Variants in ROBO2 observed in about 807,000 individuals in gnomAD.
ROBO2 encodes the protein roundabout homolog 2.
A neutral mutation model predicts 160.8 loss-of-function variants in ROBO2; 53 were observed. That is an observed-to-expected ratio of 0.33 (90% CI 0.26 to 0.41). The LOEUF (loss-of-function observed/expected upper bound fraction) is 0.41, where lower values mean the gene tolerates loss of function less well. ROBO2 is among the 10% of genes least tolerant of loss of function. The probability of loss-of-function intolerance (pLI) is 1.00; values close to 1 mark genes in which losing one functional copy is unlikely to be tolerated. For missense variants in ROBO2, 1,577 were observed against 1,722.4 expected (o/e 0.92, Z 1.49); for synonymous variants, 664 against 611.7 (o/e 1.09, Z -1.26).
chr3:77,621,840 A>G (rs555399473), intron 22 of ROBO2, among the ~76,000 whole-genome samples: 1 of 152,306 alleles, frequency 6.6e-6, no homozygotes, highest in East Asian at 1.9e-4. Flanking sequence ...TGGGTTACAC[A>G]GACTGAGTAG....
chr3:76,339,393 A>G (rs547613583), intron 2 of ROBO2, among the ~76,000 whole-genome samples: 169 of 152,266 alleles, frequency 1.1e-3, no homozygotes, highest in African/African-American at 3.9e-3. Context: ...TAAATAATAT[A>G]AAGCAATAAG....
At chr3:75,954,528 G>A (rs766308683) in intron 2 of ROBO2, among the ~76,000 whole-genome samples, 1 of 151,840 alleles carries the variant, frequency 6.6e-6, no homozygotes, top group African/African-American at 2.4e-5. Context: ...TAGCAAAGTA[G>A]TTCCTAAACC....
intron 2 of ROBO2, among the ~76,000 whole-genome samples, chr3:76,793,507 G>A (rs1449932541): frequency 6.6e-6 from 1 of 151,886 alleles, no homozygotes; most frequent in Non-Finnish European, 1.5e-5. Flanking sequence ...CTGATCTCAA[G>A]TGAAAGTATT....
At chr3:76,412,875 G>A (rs1284202571) in intron 2 of ROBO2, among the ~76,000 whole-genome samples, 2 of 152,196 alleles carry the variant, frequency 1.3e-5, no homozygotes, top group African/African-American at 4.8e-5. Context: ...GCACTAGACA[G>A]TGCCCCAGTA....
At chr3:77,191,337 G>A (rs961632641) in intron 2 of ROBO2, among the ~76,000 whole-genome samples, 1 of 152,040 alleles carries the variant, frequency 6.6e-6, no homozygotes, top group Non-Finnish European at 1.5e-5. Flanking sequence ...GTCCAGTAGA[G>A]AGCCATAAAT....
At chr3:77,175,455 T>G (rs1579650244) in intron 2 of ROBO2, among the ~76,000 whole-genome samples, 1 of 152,022 alleles carries the variant, frequency 6.6e-6, no homozygotes, top group African/African-American at 2.4e-5. Flanking sequence ...AATTCTGACT[T>G]AATTTAATTG....
intron 2 of ROBO2, among the ~76,000 whole-genome samples, chr3:76,350,256 G>C (rs1469351463): frequency 2.6e-5 from 4 of 152,042 alleles, no homozygotes; most frequent in African/African-American, 9.7e-5. Context: ...TTATGCAATA[G>C]GAGATAATTG....
intron 6 of ROBO2, among the ~76,000 whole-genome samples, chr3:77,536,326 A>T (rs1203657065): frequency 6.6e-6 from 1 of 151,642 alleles, no homozygotes; most frequent in Non-Finnish European, 1.5e-5. Context: ...GCACTCTCCC[A>T]CCCTTCCTTC....
intron 2 of ROBO2, among the ~76,000 whole-genome samples, chr3:76,472,399 G>A (rs9834738): frequency 0.36 from 54,858 of 151,882 alleles, 10,043 homozygotes; most frequent in Non-Finnish European, 0.39. Flanking sequence ...ATTATTCTGA[G>A]AAACAGAAGT....
chr3:76,639,694 G>A (rs957748438), intron 2 of ROBO2, among the ~76,000 whole-genome samples: 16 of 152,084 alleles, frequency 1.1e-4, no homozygotes, highest in Non-Finnish European at 1.0e-4. Context: ...GAATAGTGAA[G>A]ACATGATTCA....
At chr3:77,376,053 A>G (rs1372221182) in intron 2 of ROBO2, among the ~76,000 whole-genome samples, 3 of 152,134 alleles carry the variant, frequency 2.0e-5, no homozygotes, top group African/African-American at 7.2e-5. Flanking sequence ...CAGTCCAGGA[A>G]ATATCCCTAA....
intron 2 of ROBO2, among the ~76,000 whole-genome samples, chr3:76,408,417 A>G (rs945896285): frequency 2.0e-5 from 3 of 152,160 alleles, no homozygotes; most frequent in Non-Finnish European, 4.4e-5. Flanking sequence ...TTTGAAGCCT[A>G]TGAAACACCT....
At chr3:76,393,079 A>G (rs539834524) in intron 2 of ROBO2, among the ~76,000 whole-genome samples, 2 of 152,316 alleles carry the variant, frequency 1.3e-5, no homozygotes, top group East Asian at 3.9e-4. Context: ...GGTGACAGCT[A>G]TTGTTCTATA....
chr3:76,219,277 T>C (rs1405419640), intron 2 of ROBO2, among the ~76,000 whole-genome samples: 2 of 152,216 alleles, frequency 1.3e-5, no homozygotes, highest in Admixed American at 6.5e-5. Context: ...AAGGACTTCA[T>C]GTCTAAAACA....
intron 2 of ROBO2, among the ~76,000 whole-genome samples, chr3:76,273,060 A>G (rs1238198988): frequency 2.0e-5 from 2 of 98,968 alleles, no homozygotes; most frequent in East Asian, 3.2e-4. Context: ...ATAAATATAT[A>G]AAAAATATAT....
At chr3:76,251,780 G>C (rs1706019383) in intron 2 of ROBO2, among the ~76,000 whole-genome samples, 1 of 151,940 alleles carries the variant, frequency 6.6e-6, no homozygotes. Context: ...TGGATGCTTC[G>C]AAATTTTGAC....
chr3:76,076,818 C>A (rs76657527), intron 2 of ROBO2, among the ~76,000 whole-genome samples: 1 of 152,172 alleles, frequency 6.6e-6, no homozygotes, highest in Non-Finnish European at 1.5e-5. Context: ...CAGATTTAAA[C>A]TCTAATTAAA....
At chr3:77,503,180 G>A (rs1029872457) in intron 5 of ROBO2, among the ~76,000 whole-genome samples, 7 of 151,514 alleles carry the variant, frequency 4.6e-5, no homozygotes, top group Admixed American at 6.6e-5. Flanking sequence ...AACATCTCAC[G>A]TACCCTACTA....
chr3:76,065,697 A>G (rs1398636852), intron 2 of ROBO2, among the ~76,000 whole-genome samples: 1 of 140,372 alleles, frequency 7.1e-6, no homozygotes, highest in African/African-American at 2.7e-5. Flanking sequence ...GGGTTTTCAT[A>G]TACCAATTTT....
Sources: gnomAD v4.1 joint callset for allele counts (sites outside exome capture counted in the v4.1 genomes callset) on GRCh38, gnomAD v4.1.1 for gene constraint, MANE v1.5 for transcripts, NCBI Gene and HGNC (gene_info 2026-07-23, HGNC 2026-07-21) for gene names.